The following CMIP variants were observed in gnomAD, a reference collection of about 807,000 sequenced individuals.
The protein encoded by CMIP is C-Maf-inducing protein.
Under a neutral mutation model 97.3 loss-of-function variants are expected in CMIP, and 13 were observed. The observed-to-expected ratio is 0.13, with a 90% CI of 0.09 to 0.21. The LOEUF is 0.21. CMIP is among the 10% of genes least tolerant of loss of function. The pLI is 1.00. For synonymous variants in CMIP, 538 were observed against 436.3 expected (o/e 1.23, Z -2.91); for missense variants, 847 against 1,024.9 (o/e 0.83, Z 2.37).
At position 81,612,918 on chromosome 16, in the gene CMIP, G is replaced by T. The variant is rs573927343; in HGVS notation, c.426+5226G>T. 9.2e-5 allele frequency among the ~76,000 whole-genome samples: 14 copies of T among 152,248 alleles called. No individual in the cohort carries two copies. The East Asian group carries it at 2.7e-3, about 29-fold the overall frequency. On this transcript the variant is annotated intron_variant, in intron 2 of 20. Transcript: ENST00000537098. ...CCAGCCATGCCTTATGTTCCCACTGGGCTGAGTTCTCTTGGCTCAGCCACC... is the reference window on the plus strand; with the variant it reads ...CCAGCCATGCCTTATGTTCCCACTGTGCTGAGTTCTCTTGGCTCAGCCACC...
chr16:81,506,746 C>T (rs995258259), intron 1 of CMIP, among the ~76,000 whole-genome samples: 1 of 151,492 alleles, frequency 6.6e-6, no homozygotes, highest in Admixed American at 6.6e-5. Context: ...AACCCCGTCT[C>T]TACTAAAAAT....
Position 81,691,678 on chromosome 16 carries a change from G to C in CMIP, c.1389-97G>C, listed in dbSNP as rs908586363. ...GTCAGTGCCACTGACTACCTGCCAG[G>C]CTCTCACCCCATCTTTTGGCCCATC... On this transcript the variant is annotated intron_variant, in intron 10 of 20. Coordinates refer to ENST00000537098, the MANE Select transcript of CMIP (RefSeq NM_198390.3). 1.5e-5 allele frequency: 14 copies of C among 911,482 alleles called. No individual in the cohort carries two copies. In the African/African-American group the frequency reaches 2.0e-4, roughly 13 times the overall value. The allele number at this position is 911,482 out of a possible 1,614,324, so 56.5% of individuals were successfully genotyped here.
chr16:81,514,926 C>T (rs2089883708), intron 1 of CMIP, among the ~76,000 whole-genome samples: 1 of 152,190 alleles, frequency 6.6e-6, no homozygotes, highest in South Asian at 2.1e-4. Context: ...AAGTGGGGCG[C>T]TGGGGTCCAG....
At chr16:81,551,105 AC>A (rs1358574766) in intron 1 of CMIP, among the ~76,000 whole-genome samples, 15 of 144,220 alleles carry the variant, frequency 1.0e-4, no homozygotes, top group African/African-American at 3.9e-4. Flanking sequence ...CAGTTCCATC[AC>A]ATATATCCCA....
chr16:81,511,236 T>TA (rs2089804508), intron 1 of CMIP, among the ~76,000 whole-genome samples: 1 of 152,200 alleles, frequency 6.6e-6, no homozygotes, highest in Non-Finnish European at 1.5e-5. Context: ...CTCTAAAAAA[T>TA]AAAGTATCTT....
chr16:81,681,457 C>T (rs1904866755), intron 10 of CMIP, among the ~76,000 whole-genome samples: 1 of 152,220 alleles, frequency 6.6e-6, no homozygotes, highest in Non-Finnish European at 1.5e-5. Flanking sequence ...CTCTGAGCCT[C>T]CGGTCCCAGG....
intron 1 of CMIP, among the ~76,000 whole-genome samples, chr16:81,576,894 G>A (rs995938359): frequency 7.9e-5 from 12 of 152,164 alleles, no homozygotes; most frequent in East Asian, 3.9e-4. Context: ...GTACTTGGTC[G>A]TAGTGGAGGC....
intron 1 of CMIP, among the ~76,000 whole-genome samples, chr16:81,450,908 C>G (rs771174503): frequency 5.3e-5 from 8 of 152,216 alleles, no homozygotes; most frequent in Non-Finnish European, 1.2e-4. Context: ...CTGCTCATTT[C>G]TTGTGTATCT....
chr16:81,705,702 C>G, intron 19 of CMIP, 98 bp downstream of exon 19: 5 of 720,542 alleles, frequency 6.9e-6, no homozygotes, highest in Non-Finnish European at 1.2e-5. Context: ...GCACCATGCA[C>G]AGATAGAGAA....
At chr16:81,691,493 C>T (rs1906068321) in intron 10 of CMIP, among the ~76,000 whole-genome samples, 1 of 152,204 alleles carries the variant, frequency 6.6e-6, no homozygotes, top group Non-Finnish European at 1.5e-5. Context: ...GAACAATGAT[C>T]ACGTAGCCTT....
chr16:81,614,049 G>C lies in CMIP; in HGVS notation c.426+6357G>C, dbSNP rs562859996. Reference sequence around the variant, plus strand: ...CAGGACAGTGTGATGCGTTAGGCGAGGCATTCTGGCCTGGTTTGGTTGGGG... The same window carrying C: ...CAGGACAGTGTGATGCGTTAGGCGACGCATTCTGGCCTGGTTTGGTTGGGG... On this transcript the variant is annotated intron_variant, in intron 2 of 20. Coordinates refer to ENST00000537098, the MANE Select transcript of CMIP (RefSeq NM_198390.3). The surrounding 1 kb of genome is among the most constrained non-coding windows in gnomAD (Gnocchi z 5.3). Among the ~76,000 whole-genome samples, 308 of 152,322 alleles carry C rather than the reference G, an allele frequency of 2.0e-3. 1 individual carries two copies. The highest frequency in any genetic ancestry group is 6.9e-3 in the African/African-American group (285 of 41,558).
chr16:81,705,154 C>T (rs915000229), intron 18 of CMIP, among the ~76,000 whole-genome samples: 15 of 152,188 alleles, frequency 9.9e-5, no homozygotes, highest in African/African-American at 3.6e-4. Flanking sequence ...GCCCCCGGCC[C>T]AGCCCTGTCC....
intron 9 of CMIP, among the ~76,000 whole-genome samples, chr16:81,672,303 T>A (rs1483522040): frequency 6.6e-6 from 1 of 152,220 alleles, no homozygotes; most frequent in East Asian, 1.9e-4. Context: ...GCAAGGCTGT[T>A]AGAGCTGCTT....
chr16:81,472,194 A>G (rs1907602738), intron 1 of CMIP, among the ~76,000 whole-genome samples: 1 of 152,164 alleles, frequency 6.6e-6, no homozygotes, highest in Non-Finnish European at 1.5e-5. Flanking sequence ...TTTCTGATGT[A>G]TATGTAACTT....
intron 4 of CMIP, among the ~76,000 whole-genome samples, chr16:81,656,209 C>T (rs1173781556): frequency 6.6e-6 from 1 of 152,228 alleles, no homozygotes; most frequent in African/African-American, 2.4e-5. Flanking sequence ...TCACGGCCTC[C>T]CGCAGCCCTC....
intron 1 of CMIP, among the ~76,000 whole-genome samples, chr16:81,474,855 A>T (rs9933538): frequency 0.12 from 18,820 of 151,762 alleles, 1,247 homozygotes; most frequent in Admixed American, 0.14. Context: ...GCCTCCAGCC[A>T]TGGGGGGCGG....
chr16:81,638,425 C>T (rs771429564), intron 3 of CMIP, among the ~76,000 whole-genome samples: 12 of 152,172 alleles, frequency 7.9e-5, no homozygotes, highest in Non-Finnish European at 1.6e-4. Flanking sequence ...AATCCCACAG[C>T]TCTTGGCCCA....
intron 1 of CMIP, among the ~76,000 whole-genome samples, chr16:81,451,016 G>A (rs889905485): frequency 1.3e-5 from 2 of 152,206 alleles, no homozygotes; most frequent in African/African-American, 4.8e-5. Flanking sequence ...CTTTTTCATT[G>A]CTGCATAGTG....
chr16:81,694,648 C>A (rs1316051061), intron 13 of CMIP, among the ~76,000 whole-genome samples: 2 of 152,130 alleles, frequency 1.3e-5, no homozygotes, highest in African/African-American at 4.8e-5. Context: ...AAAGGCAGAC[C>A]CCCCTGCCGC....
Sources: gnomAD v4.1 joint callset for allele counts (sites outside exome capture counted in the v4.1 genomes callset) on GRCh38, gnomAD v4.1.1 for gene constraint, Gnocchi (gnomAD v3.1) non-coding constraint, MANE v1.5 for transcripts, NCBI Gene and HGNC (gene_info 2026-07-23, HGNC 2026-07-21) for gene names.